Variants in ATG9B observed in about 807,000 individuals in gnomAD.
The protein encoded by ATG9B is autophagy related 9B.
Under a neutral mutation model 92.9 loss-of-function variants are expected in ATG9B, and 92 were observed. That is an observed-to-expected ratio of 0.99 (90% confidence interval 0.84 to 1.18). ATG9B has a LOEUF of 1.18. Among genes scored for constraint, ATG9B ranks in the 50% most tolerant of loss-of-function variants. The pLI, the probability that ATG9B is intolerant of heterozygous loss-of-function variation, is 0.00. For missense variants in ATG9B, 1,344 were observed against 1,235.0 expected (o/e 1.09, Z -1.32); for synonymous variants, 599 against 551.4 (o/e 1.09, Z -1.21).
chr7:151,018,503 G>A lies in ATG9B; in HGVS notation c.1719-56C>T. 6.6e-7 allele frequency: 1 copy of A among 1,514,636 alleles called. No homozygotes were observed. Among genetic ancestry groups the A allele is most frequent in the South Asian group, 1.3e-5 (1 of 77,198 alleles). The allele number at this position is 1,514,636 out of a possible 1,614,324, so 93.8% of individuals were successfully genotyped here. On this transcript the variant is annotated intron_variant, in intron 6 of 13. Coordinates refer to ENST00000639579, the MANE Select transcript of ATG9B (RefSeq NM_001317056.2). This position sits in a 1 kb window ranked among gnomAD's most constrained non-coding sequence, Gnocchi z 4.7. ...CCTGCGATTAGGAGGACGCGCGGTG[G>A]GATGTAGGGCTAGAGGGCCCCAGTG...
intron 4 of ATG9B, 122 bp downstream of exon 4, chr7:151,022,923 G>A: frequency 1.6e-6 from 2 of 1,287,626 alleles, no homozygotes; most frequent in Non-Finnish European, 1.1e-6. Flanking sequence ...TGTATTTTTG[G>A]TCCTAAGACC....
chr7:151,015,850 TTCTC>T (rs1795456110), intron 13 of ATG9B, 28 bp downstream of exon 13: 2 of 1,534,060 alleles, frequency 1.3e-6, no homozygotes, highest in Non-Finnish European at 1.8e-6. Flanking sequence ...ATGCCGTCCT[TTCTC>T]CCTCCCCTCA....
downstream of ATG9B, chr7:151,012,679 T>G: frequency 1.8e-6 from 1 of 556,256 alleles, no homozygotes; most frequent in South Asian, 2.4e-5. Flanking sequence ...TGGTACATAG[T>G]AGGTGTTGAC....
At chr7:151,014,225 G>T, downstream of ATG9B, 1 of 1,518,390 alleles carries the variant, frequency 6.6e-7, no homozygotes, top group Non-Finnish European at 8.9e-7. Context: ...ACTCAGGTCC[G>T]CCCGACCAGG....
chr7:151,019,299 C>G lies in ATG9B; in HGVS notation c.1039G>C (p.Val347Leu). The G allele has an allele frequency of 6.3e-7, 1 of 1,588,970 alleles. No individual in the cohort carries two copies. The highest frequency in any genetic ancestry group is 1.1e-5 in the South Asian group (1 of 89,098). ...AGCTCCGTCAGGGGCCGCGGCTGCA[C>G]GCACAGGCCCCCGCTCCGCTGCAGT... ...LALQRSGGLC[V>L]QPRPLTELDI... The change falls in exon 6 of 14, where the codon GTG becomes CTG. Residue 347 changes from valine to leucine, a missense_variant. Physicochemically the swap from Val to Leu is conservative, Grantham distance 32. Transcript: ENST00000639579.
chr7:151,016,597 T>C, intron 10 of ATG9B, 70 bp from the exon 11 acceptor site: 1 of 1,544,482 alleles, frequency 6.5e-7, no homozygotes. Flanking sequence ...ACTCCCCTTC[T>C]GAATCCCCCC....
intron 5 of ATG9B, 35 bp downstream of exon 5, chr7:151,021,153 G>A (rs773827774): frequency 2.2e-5 from 35 of 1,609,476 alleles, no homozygotes; most frequent in South Asian, 1.8e-4. Context: ...ACCCTCTCAC[G>A]GCACCCTCTG....
chr7:151,013,243 C>T (rs1795346062), downstream of ATG9B: 6 of 1,613,422 alleles, frequency 3.7e-6, no homozygotes, highest in Middle Eastern at 1.7e-4. Context: ...CTGCAGCCCA[C>T]TCCCATGACT....
Position 151,018,011 on chromosome 7 carries a change from G to C in ATG9B, c.1912C>G (p.Pro638Ala). 6.2e-7 allele frequency: 1 copy of C among 1,601,768 alleles called. No individual in the cohort carries two copies. The highest frequency in any genetic ancestry group is 8.5e-7 in the Non-Finnish European group (1 of 1,173,840). Residue 638 changes from proline to alanine, a missense_variant, in exon 8 of 14, where the codon CCG becomes GCG. Transcript: ENST00000639579. The surrounding 1 kb of genome is among the most constrained non-coding windows in gnomAD (Gnocchi z 4.7). ...CGGAACCAGAAAAGCAGAAACAGCGGGGTGAGGAGCGGGGACAGGAGCTCC... is the reference window on the plus strand; with the variant it reads ...CGGAACCAGAAAAGCAGAAACAGCGCGGTGAGGAGCGGGGACAGGAGCTCC... ...LEELLSPLLT[P>A]LFLLFWFRPR...
intron 8 of ATG9B, 48 bp downstream of exon 8, chr7:151,017,823 C>T: frequency 6.6e-7 from 1 of 1,511,210 alleles, no homozygotes; most frequent in Middle Eastern, 2.1e-4. Context: ...GAGAGGCAAG[C>T]GAACTCCCAC....
At position 151,023,908 on chromosome 7, in the gene ATG9B, C is replaced by A; in HGVS notation, c.516G>T (p.Gln172His). The change falls in exon 1 of 14, where the codon CAG becomes CAT. Residue 172 changes from glutamine (Q) to histidine (H), a missense_variant. Transcript: ENST00000639579. The stretch of plus-strand genomic sequence containing the variant: ...CTTCAGGGACATGAAGCAGGGGTTG[C>A]TGCTCCTCCCCGTGGATGGGTGAGT... ...SQDSPIHGEE[Q>H]QPLLHVPEGL... 6.2e-7 allele frequency: 1 copy of A among 1,606,134 alleles called. No homozygotes were observed. Among genetic ancestry groups the A allele is most frequent in the South Asian group, 1.1e-5 (1 of 89,798 alleles).
At position 151,017,461 on chromosome 7, in the gene ATG9B, T is replaced by C. The variant is rs59061951; in HGVS notation, c.2053-189A>G. Among the ~76,000 whole-genome samples, 499 of 152,292 alleles carry C rather than the reference T, an allele frequency of 3.3e-3. 9 individuals are homozygous for C. In the East Asian group the frequency reaches 0.053, roughly 16 times the overall value. ...CATCTATTCGTCACCCCTGGACTGA[T>C]TGCCAGCTCGGGGATAGGGCTGAGC... On this transcript the variant is annotated intron_variant, in intron 8 of 13. Coordinates refer to ENST00000639579, the MANE Select transcript of ATG9B (RefSeq NM_001317056.2).
Position 151,023,219 on chromosome 7 carries a change from AG to A in ATG9B, c.660-14del, listed in dbSNP as rs574659110. On this transcript the variant is annotated splice_polypyrimidine_tract_variant and intron_variant, in intron 3 of 13. Coordinates refer to ENST00000639579, the MANE Select transcript of ATG9B (RefSeq NM_001317056.2). ...GAAAATAAATTGTCTGCCGGGAGGA[AG>A]GGGGGGTGCCGGGATGCTGCAGTGA... 2.2e-4 allele frequency: 354 copies of A among 1,614,034 alleles called. 1 individual carries two copies. The African/African-American group carries it at 4.5e-3, about 21-fold the overall frequency.
chr7:151,012,635 G>A, downstream of ATG9B: 1 of 795,670 alleles, frequency 1.3e-6, no homozygotes, highest in East Asian at 2.7e-5. Context: ...CCAAAGGCAA[G>A]GGCTGGGCCC....
At chr7:151,015,058 C>G (rs565102700), downstream of ATG9B, 1 of 152,358 alleles carries the variant, frequency 6.6e-6, no homozygotes, top group African/African-American at 2.4e-5. Flanking sequence ...TGGGCTGCTC[C>G]CCCGTGCAGT....
chr7:151,015,568 C>G lies in ATG9B; in HGVS notation c.*160G>C. 4.1e-6 allele frequency: 1 copy of G among 243,098 alleles called. No individual in the cohort carries two copies. 15.1% of individuals were successfully genotyped at this position (243,098 alleles called of 1,614,324 possible). ...TCTCCTCTCCTTGCCTACCTTTTCT[C>G]TGTTCTCGGGGCGAGTTCCTCACTG... On this transcript the variant is annotated 3_prime_UTR_variant, in exon 14 of 14. Transcript: ENST00000639579.
Position 151,018,950 on chromosome 7 carries a change from T to C in ATG9B, c.1388A>G (p.Tyr463Cys), listed in dbSNP as rs1473041710. Residue 463 changes from tyrosine (Y) to cysteine (C), a missense_variant, in exon 6 of 14, where the codon TAT becomes TGT. Tyr to Cys is a radical substitution (Grantham distance 194, BLOSUM62 -2). Transcript: ENST00000639579. This position sits in a 1 kb window ranked among gnomAD's most constrained non-coding sequence, Gnocchi z 4.7. ...GCGCCGCAGCAGCTCCACGTGGCTA[T>C]AGAAGACGTGCAGAACCTGCCAGGC... ...VLAWQVLHVF[Y>C]SHVELLRREP... 10 of 1,570,936 alleles carry C rather than the reference T, an allele frequency of 6.4e-6. No individual in the cohort carries two copies. Among genetic ancestry groups the C allele is most frequent in the South Asian group, 1.2e-5 (1 of 86,738 alleles).
Position 151,018,893 on chromosome 7 carries a change from G to T in ATG9B, c.1445C>A (p.Ser482Tyr), listed in dbSNP as rs1563254407. ...EPGALGARGW[S>Y]RLARLQLRHF... is the part of the protein sequence containing the mutation. ...GCGCAGCTGCAAGCGCGCCAGGCGG[G>T]ACCAGCCGCGCGCCCCCAGCGCGCC... Residue 482 changes from serine (S) to tyrosine (Y), a missense_variant, in exon 6 of 14, where the codon TCC becomes TAC. By Grantham distance (144) the Ser-to-Tyr change is moderately radical. Transcript: ENST00000639579. This position sits in a 1 kb window ranked among gnomAD's most constrained non-coding sequence, Gnocchi z 4.7. 7 of 1,457,416 alleles carry T rather than the reference G, an allele frequency of 4.8e-6. No individual in the cohort carries two copies. Among genetic ancestry groups the T allele is most frequent in the Non-Finnish European group, 6.3e-6 (7 of 1,113,686 alleles). 90.3% of individuals were successfully genotyped at this position (1,457,416 alleles called of 1,614,324 possible).
intron 5 of ATG9B, 21 bp from the exon 6 acceptor site, chr7:151,019,395 A>G: frequency 6.7e-7 from 1 of 1,500,644 alleles, no homozygotes; most frequent in Non-Finnish European, 8.8e-7. Flanking sequence ...CACTGATGAG[A>G]GCCAGCGACC....
Sources: gnomAD v4.1 joint callset for allele counts (sites outside exome capture counted in the v4.1 genomes callset) on GRCh38, gnomAD v4.1.1 for gene constraint, Gnocchi (gnomAD v3.1) non-coding constraint, MANE v1.5 for transcripts, NCBI Gene and HGNC (gene_info 2026-07-23, HGNC 2026-07-21) for gene names.